Variants in CELSR1 observed in about 807,000 individuals in gnomAD.
CELSR1 encodes the protein adhesion G protein-coupled receptor C1.
CELSR1 carries 110 observed loss-of-function variants against 249.1 expected under a neutral mutation model. The observed-to-expected ratio is 0.44, with a 90% CI of 0.38 to 0.52. The LOEUF (loss-of-function observed/expected upper bound fraction) is 0.52. Ranked by LOEUF, CELSR1 falls within the 20% of genes least tolerant of loss-of-function variation. CELSR1 has a pLI of 0.00. For missense variants in CELSR1, 4,109 were observed against 4,296.4 expected (o/e 0.96, Z 1.22); for synonymous variants, 2,113 against 1,900.0 (o/e 1.11, Z -2.92).
rs1350791707 is a variant in CELSR1, at chr22:46,535,405, G to A, written c.1766C>T (p.Ala589Val). Residue 589 changes from alanine (A) to valine (V), a missense_variant, in exon 1 of 35, where the codon GCG becomes GTG. Ala to Val is a moderately conservative substitution (Grantham distance 64). Transcript: ENST00000674500. ...GTTCTCTCCAGAGTCCGCGTCCACC[G>A]CCTGAATGTGCACCACGGGGTAGCC... ...PLGYPVVHIQ[A>V]VDADSGENAR... The A allele has an allele frequency of 6.2e-7, 1 of 1,608,914 alleles. No homozygotes were observed. The highest frequency in any genetic ancestry group is 8.5e-7 in the Non-Finnish European group (1 of 1,177,878).
At position 46,396,306 on chromosome 22, in the gene CELSR1, G is replaced by A. The variant is rs895878284; in HGVS notation, c.5843+299C>T. ...ACCTGTAGGACCAGCTACTCGGGAG[G>A]CCGAGGCAGGAGAATCACTTGAGCC... On this transcript the variant is annotated intron_variant, in intron 13 of 34. Transcript: ENST00000674500. This position sits in a 1 kb window ranked among gnomAD's most constrained non-coding sequence, Gnocchi z 6.4. Among the ~76,000 whole-genome samples the A allele has an allele frequency of 6.6e-5, 10 of 152,082 alleles. No individual in the cohort carries two copies. Among genetic ancestry groups the A allele is most frequent in the African/African-American group, 2.4e-4 (10 of 41,404 alleles).
In CELSR1 at chr22:46,436,280, A is replaced by C. The variant is rs751865826; in HGVS notation, c.4416T>G (p.Thr1472=). The part of the protein sequence containing the change: ...FHFTISLTFA[T]QERNGLLLYN... ...AGAGAAGCAAGCCGTTCCTTTCCTG[A>C]GTGGCAAACCTGTGGGGCCAAGCAG... is the stretch of plus-strand genomic sequence containing the variant. The change falls in exon 4 of 35, where the codon ACT becomes ACG. Residue 1472 remains threonine, a synonymous_variant. Coordinates refer to ENST00000674500, the MANE Select transcript of CELSR1 (RefSeq NM_001378328.1). The surrounding 1 kb of genome is among the most constrained non-coding windows in gnomAD (Gnocchi z 5.9). 6.2e-7 allele frequency: 1 copy of C among 1,613,908 alleles called. No individual in the cohort carries two copies. Among genetic ancestry groups the C allele is most frequent in the East Asian group, 2.2e-5 (1 of 44,868 alleles).
At position 46,363,878 on chromosome 22, in the gene CELSR1, T is replaced by A; in HGVS notation, c.9035+118A>T. The A allele has an allele frequency of 7.4e-7, 1 of 1,345,932 alleles. No individual in the cohort carries two copies. The highest frequency in any genetic ancestry group is 9.8e-7 in the Non-Finnish European group (1 of 1,020,450). The allele number at this position is 1,345,932 out of a possible 1,614,324, so 83.4% of individuals were successfully genotyped here. On this transcript the variant is annotated intron_variant, in intron 34 of 34. Coordinates refer to ENST00000674500, the MANE Select transcript of CELSR1 (RefSeq NM_001378328.1). This position sits in a 1 kb window ranked among gnomAD's most constrained non-coding sequence, Gnocchi z 4.3. ...CCCCCATCCCCGCCTGGGCTTCCTC[T>A]GCACTCAGGGCTCCAGGTGAGGTGG...
intron 1 of CELSR1, among the ~76,000 whole-genome samples, chr22:46,524,344 C>T (rs2080716087): frequency 6.6e-6 from 1 of 152,226 alleles, no homozygotes; most frequent in African/African-American, 2.4e-5. Flanking sequence ...ACATGATTCC[C>T]CTCTTACAGG....
intron 1 of CELSR1, among the ~76,000 whole-genome samples, chr22:46,489,950 T>A (rs2080351906): frequency 6.7e-6 from 1 of 149,688 alleles, no homozygotes; most frequent in Non-Finnish European, 1.5e-5. Flanking sequence ...CCAAGGACAA[T>A]AAACTCCCAG....
At position 46,372,891 on chromosome 22, in the gene CELSR1, A is replaced by G; in HGVS notation, c.7751T>C (p.Ile2584Thr). 1 of 1,605,726 alleles carries G rather than the reference A, an allele frequency of 6.2e-7. No individual in the cohort carries two copies. Among genetic ancestry groups the G allele is most frequent in the Non-Finnish European group, 8.5e-7 (1 of 1,174,948 alleles). The change falls in exon 25 of 35, where the codon ATT becomes ACT. Residue 2584 changes from isoleucine (I) to threonine (T), a missense_variant. Coordinates refer to ENST00000674500, the MANE Select transcript of CELSR1 (RefSeq NM_001378328.1). ...ACTCTGTGCATCCTCACCTGTGACAATGGCCGGGATGCCCCAGCCCACGAC... is the reference window on the plus strand; with the variant it reads ...ACTCTGTGCATCCTCACCTGTGACAGTGGCCGGGATGCCCCAGCCCACGAC... ...YYVVGWGIPAIVTGLAVGLDP... is the reference protein window; with the variant it reads ...YYVVGWGIPATVTGLAVGLDP...
intron 1 of CELSR1, among the ~76,000 whole-genome samples, chr22:46,487,349 C>G (rs956642909): frequency 6.6e-6 from 1 of 150,738 alleles, no homozygotes; most frequent in African/African-American, 2.4e-5. Context: ...AATCTGCAAC[C>G]TAAACGCAAA....
intron 1 of CELSR1, among the ~76,000 whole-genome samples, chr22:46,477,270 C>T (rs865972299): frequency 6.6e-6 from 1 of 152,182 alleles, no homozygotes; most frequent in African/African-American, 2.4e-5. Flanking sequence ...CAGGCCCACC[C>T]GCCACAGTGA....
At chr22:46,487,722 G>A in intron 1 of CELSR1, among the ~76,000 whole-genome samples, 1 of 98,656 alleles carries the variant, frequency 1.0e-5, no homozygotes, top group African/African-American at 3.9e-5. Flanking sequence ...CCAGGGTGCA[G>A]GTGGGGGGTG....
chr22:46,459,840 C>G (rs1221503384), intron 2 of CELSR1, among the ~76,000 whole-genome samples: 1 of 152,156 alleles, frequency 6.6e-6, no homozygotes, highest in African/African-American at 2.4e-5. Flanking sequence ...AGAGCTGCCT[C>G]GAGAAGTCAA....
At chr22:46,459,976 G>A (rs1385182941) in intron 2 of CELSR1, among the ~76,000 whole-genome samples, 1 of 152,212 alleles carries the variant, frequency 6.6e-6, no homozygotes, top group Non-Finnish European at 1.5e-5. Flanking sequence ...GGAGGCCAAG[G>A]CAGGCGAATC....
At chr22:46,476,775 A>G (rs552165567) in intron 1 of CELSR1, among the ~76,000 whole-genome samples, 1 of 152,084 alleles carries the variant, frequency 6.6e-6, no homozygotes, top group South Asian at 2.1e-4. Flanking sequence ...GCAAGGGGCA[A>G]GAGGGACCAG....
In CELSR1 at chr22:46,367,874, A is replaced by G; in HGVS notation, c.7953-19T>C. The G allele has an allele frequency of 1.2e-6, 2 of 1,600,806 alleles. No individual in the cohort carries two copies. The highest frequency in any genetic ancestry group is 2.2e-5 in the East Asian group (1 of 44,520). On this transcript the variant is annotated intron_variant, in intron 27 of 34. Coordinates refer to ENST00000674500, the MANE Select transcript of CELSR1 (RefSeq NM_001378328.1). ...CAGGGAGCTGCGGGAGGGCAGGATCAGGCCTGTGCCCATCGCCACCACCTG... is the reference window on the plus strand; with the variant it reads ...CAGGGAGCTGCGGGAGGGCAGGATCGGGCCTGTGCCCATCGCCACCACCTG...
chr22:46,365,326 T>C lies in CELSR1; in HGVS notation c.8459A>G (p.Tyr2820Cys), dbSNP rs773366645. The C allele has an allele frequency of 6.2e-6, 10 of 1,612,932 alleles. No homozygotes were observed. The South Asian group carries it at 9.9e-5, about 16-fold the overall frequency. ...ELSLDEQSSSYASSHSSDSED... is the reference protein window; with the variant it reads ...ELSLDEQSSSCASSHSSDSED... ...GCTGTCTGACGAGTGTGAGGAGGCG[T>C]AAGAGCTGCTCTGCTCATCCAGGGA... is the stretch of plus-strand genomic sequence containing the variant. Residue 2820 changes from tyrosine to cysteine, a missense_variant, in exon 32 of 35, where the codon TAC becomes TGC. By Grantham distance (194) the Tyr-to-Cys change is radical (BLOSUM62 -2). Coordinates refer to ENST00000674500, the MANE Select transcript of CELSR1 (RefSeq NM_001378328.1).
Position 46,534,282 on chromosome 22 carries a change from C to T in CELSR1, c.2889G>A (p.Val963=), listed in dbSNP as rs749276539. 2.5e-6 allele frequency: 4 copies of T among 1,613,186 alleles called. No individual in the cohort carries two copies. The highest frequency in any genetic ancestry group is 2.5e-6 in the Non-Finnish European group (3 of 1,180,000). Residue 963 remains valine, a synonymous_variant, in exon 1 of 35, where the codon GTG becomes GTA. Transcript: ENST00000674500. This position sits in a 1 kb window ranked among gnomAD's most constrained non-coding sequence, Gnocchi z 9.7. ...CCACAGCCAGAGCCCAAAGGTTGTACACGGCCACATTCTCCCGGTCCAGCC... is the reference window on the plus strand; with the variant it reads ...CCACAGCCAGAGCCCAAAGGTTGTATACGGCCACATTCTCCCGGTCCAGCC... ...QRRLDRENVA[V]YNLWALAVDR... is the part of the protein sequence containing the mutation.
chr22:46,388,988 G>T (rs2079059792), intron 18 of CELSR1, among the ~76,000 whole-genome samples: 1 of 152,220 alleles, frequency 6.6e-6, no homozygotes, highest in South Asian at 2.1e-4. Context: ...AAGGGAGAGG[G>T]GCTGATGCAG....
rs180874798 is a variant in CELSR1, at chr22:46,386,342, G to C, written c.6739+60C>G. ...ACCTGCTTCACCCCATGGGGGCCTA[G>C]CTCTGGGGCACACCCCTGATGGTAG... is the stretch of plus-strand genomic sequence containing the variant. On this transcript the variant is annotated intron_variant, in intron 19 of 34. Transcript: ENST00000674500. 378 of 1,441,730 alleles carry C rather than the reference G, an allele frequency of 2.6e-4. 1 individual carries two copies. The African/African-American group carries it at 3.8e-3, about 14-fold the overall frequency. The allele number at this position is 1,441,730 out of a possible 1,614,324, so 89.3% of individuals were successfully genotyped here. A position where few individuals can be genotyped will look rare whatever the true frequency, so the allele number is the denominator to read the frequency against.
chr22:46,370,347 CACAT>C (rs1042129969), intron 25 of CELSR1: 1 of 339,626 alleles, frequency 2.9e-6, no homozygotes, highest in African/African-American at 2.2e-5. Flanking sequence ...CATGCAGACA[CACAT>C]ACCGTGTGCA....
rs1419258082 is a variant in CELSR1, at chr22:46,454,038, G to A, written c.4183+9669C>T. 2.0e-5 allele frequency among the ~76,000 whole-genome samples: 3 copies of A among 152,214 alleles called. No individual in the cohort carries two copies. Among genetic ancestry groups the A allele is most frequent in the African/African-American group, 7.2e-5 (3 of 41,458 alleles). ...TGATTAAGGATCTTGAGACGGGGCA[G>A]TCATCCTGCATTACTGTGTGGCCCC... On this transcript the variant is annotated intron_variant, in intron 2 of 34. Transcript: ENST00000674500. This position sits in a 1 kb window ranked among gnomAD's most constrained non-coding sequence, Gnocchi z 5.1.
Sources: allele counts gnomAD v4.1 joint callset (sites outside exome capture counted in the v4.1 genomes callset), GRCh38; gene constraint gnomAD v4.1.1; non-coding constraint Gnocchi (gnomAD v3.1); transcripts MANE v1.5; gene names NCBI Gene and HGNC (gene_info 2026-07-23, HGNC 2026-07-21).